Variants in MET observed in about 807,000 individuals in gnomAD.
The protein encoded by MET is hepatocyte growth factor receptor.
In MET, 48 loss-of-function variants were observed where a neutral mutation model predicts 133.1. The ratio of observed to expected loss-of-function variants is 0.36; its 90% confidence interval spans 0.29 to 0.46. The LOEUF is 0.46. Ranked by LOEUF, MET falls within the 20% of genes least tolerant of loss-of-function variation. The probability of loss-of-function intolerance (pLI) is 1.00; values close to 1 mark genes in which losing one functional copy is unlikely to be tolerated. For synonymous variants in MET, 628 were observed against 616.5 expected (o/e 1.02, Z -0.28); for missense variants, 1,442 against 1,695.9 (o/e 0.85, Z 2.63).
chr7:116,788,525 G>A lies in MET; in HGVS notation c.3798+5056G>A, dbSNP rs541564187. Among the ~76,000 whole-genome samples the A allele has an allele frequency of 2.0e-5, 3 of 152,216 alleles. No individual in the cohort carries two copies. The East Asian group carries it at 5.8e-4, about 29-fold the overall frequency. ...CACAGAGGCCAAGGCTTCCACCATA[G>A]CCACAGTCACTCAGATACTTGACTG... On this transcript the variant is annotated intron_variant, in intron 19 of 20. Coordinates refer to ENST00000397752, the MANE Select transcript of MET (RefSeq NM_000245.4).
intron 2 of MET, among the ~76,000 whole-genome samples, chr7:116,728,627 T>G (rs1411806901): frequency 6.6e-6 from 1 of 152,146 alleles, no homozygotes; most frequent in East Asian, 1.9e-4. Flanking sequence ...CAAAGCAAAC[T>G]GAGTAGGCAA....
chr7:116,717,678 A>G (rs1248385547), intron 2 of MET, among the ~76,000 whole-genome samples: 1 of 152,248 alleles, frequency 6.6e-6, no homozygotes, highest in Non-Finnish European at 1.5e-5. Flanking sequence ...ACAAGATAGT[A>G]CATTTTTAAA....
chr7:116,797,060 T>C lies in MET; in HGVS notation c.*936T>C, dbSNP rs961721103. 15 of 189,562 alleles carry C rather than the reference T, an allele frequency of 7.9e-5. No homozygotes were observed. Among genetic ancestry groups the C allele is most frequent in the African/African-American group, 3.5e-4 (15 of 43,006 alleles). 11.7% of individuals were successfully genotyped at this position (189,562 alleles called of 1,614,324 possible). Reference sequence around the variant, plus strand: ...ACATAGATGACATTAAGAAAATTTGTATGAAATAATTTAGTCATCATGAAA... The same window carrying C: ...ACATAGATGACATTAAGAAAATTTGCATGAAATAATTTAGTCATCATGAAA... On this transcript the variant is annotated 3_prime_UTR_variant, in exon 21 of 21. Transcript: ENST00000397752.
chr7:116,701,312 T>C (rs566296175), intron 2 of MET, among the ~76,000 whole-genome samples: 1 of 152,292 alleles, frequency 6.6e-6, no homozygotes, highest in Non-Finnish European at 1.5e-5. Flanking sequence ...ATGTTTCACT[T>C]ACTTTAACAG....
rs2116592376 is a variant in MET at position 116,699,660 on chromosome 7, C to T, written c.576C>T (p.Phe192=). The T allele has an allele frequency of 6.2e-7, 1 of 1,614,012 alleles. No homozygotes were observed. The highest frequency in any genetic ancestry group is 8.5e-7 in the Non-Finnish European group (1 of 1,179,976). Residue 192 remains phenylalanine, a synonymous_variant, in exon 2 of 21, where the codon TTC becomes TTT. Coordinates refer to ENST00000397752, the MANE Select transcript of MET (RefSeq NM_000245.4). Reference sequence around the variant, plus strand: ...TCCTTTCATCTGTAAAGGACCGGTTCATCAACTTCTTTGTAGGCAATACCA... The same window carrying T: ...TCCTTTCATCTGTAAAGGACCGGTTTATCAACTTCTTTGTAGGCAATACCA... ...AKVLSSVKDR[F]INFFVGNTIN... is the part of the protein sequence containing the mutation.
intron 2 of MET, 95 bp from the exon 3 acceptor site, chr7:116,731,573 T>C: frequency 7.8e-7 from 1 of 1,285,610 alleles, no homozygotes; most frequent in Non-Finnish European, 1.1e-6. Flanking sequence ...TCCTTGCCAT[T>C]ATCCTCCAGG....
At chr7:116,779,046 C>A in intron 17 of MET, 89 bp downstream of exon 17, 2 of 1,305,752 alleles carry the variant, frequency 1.5e-6, no homozygotes, top group Non-Finnish European at 1.1e-6. Context: ...CTTTAAAAAG[C>A]TAGTAGCCAA....
At chr7:116,697,090 G>A (rs2237709) in intron 1 of MET, among the ~76,000 whole-genome samples, 36,544 of 152,060 alleles carry the variant, frequency 0.24, 4,500 homozygotes, top group East Asian at 0.34. Flanking sequence ...CCGACTCAAC[G>A]TGGTTAAAAC....
chr7:116,751,440 G>A (rs995831878), intron 5 of MET, among the ~76,000 whole-genome samples: 1 of 152,164 alleles, frequency 6.6e-6, no homozygotes, highest in Non-Finnish European at 1.5e-5. Context: ...GGGTCTAGGG[G>A]AGGGATAGCA....
At chr7:116,698,496 T>C (rs1213161026) in intron 1 of MET, among the ~76,000 whole-genome samples, 1 of 152,198 alleles carries the variant, frequency 6.6e-6, no homozygotes. Flanking sequence ...ACCATTCCTC[T>C]CCACACAAAA....
At chr7:116,719,587 T>A (rs1792395096) in intron 2 of MET, among the ~76,000 whole-genome samples, 1 of 152,196 alleles carries the variant, frequency 6.6e-6, no homozygotes, top group African/African-American at 2.4e-5. Context: ...TGAATGGTAA[T>A]ACCTAGGTTT....
intron 1 of MET, among the ~76,000 whole-genome samples, chr7:116,688,844 G>C (rs1337200258): frequency 6.6e-6 from 1 of 152,106 alleles, no homozygotes; most frequent in Non-Finnish European, 1.5e-5. Flanking sequence ...CTTTTTAAAT[G>C]ATTATAGGAC....
intron 2 of MET, among the ~76,000 whole-genome samples, chr7:116,718,284 G>A (rs1792324433): frequency 6.6e-6 from 1 of 152,030 alleles, no homozygotes; most frequent in Non-Finnish European, 1.5e-5. Flanking sequence ...AGCTATTCAG[G>A]AGGCTGAAGC....
intron 16 of MET, among the ~76,000 whole-genome samples, chr7:116,778,123 A>C (rs1336844061): frequency 6.6e-6 from 1 of 152,214 alleles, no homozygotes; most frequent in Non-Finnish European, 1.5e-5. Context: ...ATACAAACTA[A>C]GTCTTTATTG....
In MET at chr7:116,699,427, A is replaced by G. The variant is rs1584876483; in HGVS notation, c.343A>G (p.Asn115Asp). The part of the protein sequence containing the change: ...ANLSGGVWKD[N>D]INMALVVDTY... ...TTTATCAGGAGGTGTTTGGAAAGAT[A>G]ACATCAACATGGCTCTAGTTGTCGA... is the stretch of plus-strand genomic sequence containing the variant. The change falls in exon 2 of 21, where the codon AAC (asparagine) becomes GAC (aspartate). Residue 115 changes from asparagine to aspartate, a missense_variant. Around this residue, in one of 6 missense-constraint regions of MET, gnomAD observed 762 missense variants for 792.4 expected, o/e 0.96. Coordinates refer to ENST00000397752, the MANE Select transcript of MET (RefSeq NM_000245.4). 1 of 1,614,084 alleles carries G rather than the reference A, an allele frequency of 6.2e-7. No individual in the cohort carries two copies. The highest frequency in any genetic ancestry group is 8.5e-7 in the Non-Finnish European group (1 of 1,179,952).
At chr7:116,677,874 A>AG (rs1796214339) in intron 1 of MET, among the ~76,000 whole-genome samples, 1 of 152,204 alleles carries the variant, frequency 6.6e-6, no homozygotes, top group Non-Finnish European at 1.5e-5. Context: ...CTGAAGTAGT[A>AG]GTTTTCTGAA....
chr7:116,762,180 G>C (rs979387297), intron 10 of MET, among the ~76,000 whole-genome samples: 1 of 152,222 alleles, frequency 6.6e-6, no homozygotes, highest in South Asian at 2.1e-4. Flanking sequence ...CAGAGGCTTT[G>C]TAAAATAGAG....
intron 11 of MET, among the ~76,000 whole-genome samples, chr7:116,764,808 G>T (rs1054712577): frequency 3.3e-5 from 5 of 152,142 alleles, no homozygotes; most frequent in Non-Finnish European, 1.5e-5. Flanking sequence ...TCTAACAAGT[G>T]TATAGCACCT....
At chr7:116,754,444 G>C (rs1794044640) in intron 5 of MET, among the ~76,000 whole-genome samples, 1 of 152,114 alleles carries the variant, frequency 6.6e-6, no homozygotes. Flanking sequence ...GTTACAATCA[G>C]AGTTATGAGC....
Sources: gnomAD v4.1 joint callset for allele counts (sites outside exome capture counted in the v4.1 genomes callset) on GRCh38, gnomAD v4.1.1 for gene constraint, gnomAD v4.1.1 regional missense constraint, MANE v1.5 for transcripts, NCBI Gene and HGNC (gene_info 2026-07-23, HGNC 2026-07-21) for gene names.